Variants in SBF2 observed in about 807,000 individuals in gnomAD.
SBF2 encodes the protein myotubularin-related protein 13.
Under a neutral mutation model 225.2 loss-of-function variants are expected in SBF2, and 112 were observed. That is an observed-to-expected ratio of 0.50 (90% CI 0.43 to 0.58). SBF2 has a LOEUF of 0.58. Ranked by LOEUF, SBF2 falls within the 20% of genes least tolerant of loss-of-function variation. The pLI, the probability that SBF2 is intolerant of heterozygous loss-of-function variation, is 0.00. For synonymous variants in SBF2, 763 were observed against 773.3 expected (o/e 0.99, Z 0.22); for missense variants, 1,996 against 2,206.2 (o/e 0.90, Z 1.91).
rs116184573 is a variant in SBF2, at chr11:10,269,220, C to A, written c.55+24795G>T. ...TCTTTTCATTTTTTGACTATCCTTG[C>A]CTCAGCTTGTGTTCAATACTCAGAG... On this transcript the variant is annotated intron_variant, in intron 1 of 39. Transcript: ENST00000256190. Among the ~76,000 whole-genome samples, 1,069 of 152,296 alleles carry A rather than the reference C, an allele frequency of 7.0e-3. 12 individuals are homozygous for A. Among genetic ancestry groups the A allele is most frequent in the African/African-American group, 0.024 (1,012 of 41,566 alleles).
At chr11:10,235,002 T>C (rs551200618) in intron 1 of SBF2, among the ~76,000 whole-genome samples, 1 of 152,320 alleles carries the variant, frequency 6.6e-6, no homozygotes, top group South Asian at 2.1e-4. Context: ...CAAAGAGAAC[T>C]ACACAGGGTT....
chr11:10,277,668 G>A (rs1963067280), intron 1 of SBF2, among the ~76,000 whole-genome samples: 1 of 152,092 alleles, frequency 6.6e-6, no homozygotes, highest in Admixed American at 6.6e-5. Flanking sequence ...TTTAGGGTGA[G>A]CCCTAAATCC....
chr11:9,805,901 G>C (rs557972580), intron 32 of SBF2, among the ~76,000 whole-genome samples: 2 of 152,188 alleles, frequency 1.3e-5, no homozygotes, highest in Non-Finnish European at 2.9e-5. Flanking sequence ...GATTACAGGC[G>C]TGAGCCACCA....
At chr11:9,793,959 A>C (rs2133868246) in intron 33 of SBF2, among the ~76,000 whole-genome samples, 1 of 152,320 alleles carries the variant, frequency 6.6e-6, no homozygotes, top group Middle Eastern at 3.4e-3. Flanking sequence ...CAGCAAAACA[A>C]ACTGCTTTAT....
intron 17 of SBF2, among the ~76,000 whole-genome samples, chr11:9,862,540 T>G (rs1857842636): frequency 6.6e-6 from 1 of 152,242 alleles, no homozygotes; most frequent in Non-Finnish European, 1.5e-5. Context: ...TCCATTACTC[T>G]ACGTTGTTTC....
At chr11:9,939,747 T>C (rs11042558) in intron 16 of SBF2, among the ~76,000 whole-genome samples, 4,426 of 152,240 alleles carry the variant, frequency 0.029, 317 homozygotes, top group East Asian at 0.19. Context: ...ACTTATTAAC[T>C]ACAGGTATCA....
intron 1 of SBF2, among the ~76,000 whole-genome samples, chr11:10,256,346 T>C (rs1960865094): frequency 6.6e-6 from 1 of 152,196 alleles, no homozygotes; most frequent in Admixed American, 6.5e-5. Flanking sequence ...CTTACTACAT[T>C]CTCTGATATC....
rs771998889 is a variant in SBF2, at chr11:9,968,365, C to G, written c.1576G>C (p.Val526Leu). ...PPATRIEKKC[V>L]VPAGPPVVSI... is the part of the protein sequence containing the mutation. ...CCAACAGGTGGACCTGCTGGCACAA[C>G]ACATTTCTTTTCTATTCGTGTGGCA... The change falls in exon 14 of 40, where the codon GTT (valine) becomes CTT (leucine). Residue 526 changes from valine to leucine, a missense_variant. Coordinates refer to ENST00000256190, the MANE Select transcript of SBF2 (RefSeq NM_030962.4). 11 of 1,614,000 alleles carry G rather than the reference C, an allele frequency of 6.8e-6. No individual in the cohort carries two copies. The highest frequency in any genetic ancestry group is 5.0e-5 in the Admixed American group (3 of 60,004).
intron 1 of SBF2, among the ~76,000 whole-genome samples, chr11:10,228,006 GT>G (rs1958654517): frequency 6.6e-6 from 1 of 151,140 alleles, no homozygotes; most frequent in South Asian, 2.1e-4. Context: ...TTGAGCAGTG[GT>G]TTGTAGTTCT....
intron 17 of SBF2, among the ~76,000 whole-genome samples, chr11:9,884,011 T>C (rs1860046210): frequency 6.6e-6 from 1 of 152,232 alleles, no homozygotes; most frequent in Non-Finnish European, 1.5e-5. Flanking sequence ...CTTAGGGTTC[T>C]GAGACTCTTG....
At chr11:10,174,466 G>C (rs1001945137) in intron 2 of SBF2, among the ~76,000 whole-genome samples, 10 of 152,110 alleles carry the variant, frequency 6.6e-5, no homozygotes, top group Non-Finnish European at 1.2e-4. Flanking sequence ...AGAGAAAAAA[G>C]AATAAAAAGA....
At chr11:9,938,120 T>C (rs1032373307) in intron 16 of SBF2, among the ~76,000 whole-genome samples, 5 of 151,822 alleles carry the variant, frequency 3.3e-5, no homozygotes, top group East Asian at 1.9e-4. Flanking sequence ...TGAAACCCCG[T>C]CTCCACTAAA....
intron 16 of SBF2, among the ~76,000 whole-genome samples, chr11:9,905,847 G>A (rs962837749): frequency 2.6e-5 from 4 of 152,062 alleles, no homozygotes; most frequent in Non-Finnish European, 4.4e-5. Context: ...AGAAATATGA[G>A]TCAATGAGAA....
intron 2 of SBF2, among the ~76,000 whole-genome samples, chr11:10,180,773 C>G (rs1200170875): frequency 6.6e-6 from 1 of 152,020 alleles, no homozygotes; most frequent in East Asian, 1.9e-4. Flanking sequence ...CTTTGGTGTT[C>G]TGCCTGTCTT....
intron 2 of SBF2, among the ~76,000 whole-genome samples, chr11:10,132,748 G>C (rs1431238163): frequency 1.3e-5 from 2 of 148,760 alleles, no homozygotes; most frequent in South Asian, 4.2e-4. Context: ...ATGCTGGCTC[G>C]GGCAGCCTGC....
intron 37 of SBF2, among the ~76,000 whole-genome samples, chr11:9,784,687 C>T (rs999338443): frequency 2.0e-5 from 3 of 152,144 alleles, no homozygotes; most frequent in African/African-American, 7.2e-5. Context: ...TTGGGACTGA[C>T]ATAACACAGA....
intron 24 of SBF2, among the ~76,000 whole-genome samples, chr11:9,843,368 A>G (rs1015828961): frequency 1.3e-5 from 2 of 152,274 alleles, no homozygotes; most frequent in African/African-American, 4.8e-5. Flanking sequence ...AAGGAGAAAA[A>G]TAAGAAATCA....
intron 1 of SBF2, among the ~76,000 whole-genome samples, chr11:10,287,578 A>G (rs1158491313): frequency 2.0e-5 from 3 of 152,242 alleles, no homozygotes; most frequent in African/African-American, 4.8e-5. Context: ...GGCCAGCCCT[A>G]TATCTATATC....
intron 1 of SBF2, among the ~76,000 whole-genome samples, chr11:10,256,518 T>C (rs1475699825): frequency 6.6e-6 from 1 of 152,202 alleles, no homozygotes. Flanking sequence ...GAAGAATGGC[T>C]TCATAACAAA....
Sources: gnomAD v4.1 joint callset for allele counts (sites outside exome capture counted in the v4.1 genomes callset) on GRCh38, gnomAD v4.1.1 for gene constraint, MANE v1.5 for transcripts, NCBI Gene and HGNC (gene_info 2026-07-23, HGNC 2026-07-21) for gene names.